DIAPH3: variants seen among roughly 807,000 people sequenced by gnomAD.
DIAPH3 encodes the protein diaphanous related formin 3.
A neutral mutation model predicts 144.3 loss-of-function variants in DIAPH3; 117 were observed. The ratio of observed to expected loss-of-function variants is 0.81; its 90% CI spans 0.70 to 0.95. The LOEUF (loss-of-function observed/expected upper bound fraction) is 0.95, where lower values mean the gene tolerates loss of function less well. Ranked by LOEUF, DIAPH3 falls within the 40% of genes least tolerant of loss-of-function variation. DIAPH3 has a pLI of 0.00. For synonymous variants in DIAPH3, 519 were observed against 488.9 expected (o/e 1.06, Z -0.81); for missense variants, 1,421 against 1,412.7 (o/e 1.01, Z -0.09).
rs59987412 is a variant in DIAPH3 at position 59,729,810 on chromosome 13, A to ATTT, written c.3319+44376_3319+44378dup. ...TGTGACTTCCGGTGAATACATTAAT[A>ATTT]TTTTTTTTTTTTTTTTTTTGAGATA... On this transcript the variant is annotated intron_variant, in intron 27 of 27. Transcript: ENST00000400324. Among the ~76,000 whole-genome samples, 114 of 134,250 alleles carry ATTT rather than the reference A, an allele frequency of 8.5e-4. 3 individuals are homozygous for ATTT. Among genetic ancestry groups the ATTT allele is most frequent in the African/African-American group, 3.3e-3 (109 of 32,642 alleles). 88.1% of individuals were successfully genotyped at this position (134,250 alleles called of 152,430 possible).
At chr13:60,118,154 A>G (rs560305600) in intron 2 of DIAPH3, among the ~76,000 whole-genome samples, 1 of 152,290 alleles carries the variant, frequency 6.6e-6, no homozygotes, top group East Asian at 1.9e-4. Flanking sequence ...CACCCTACTG[A>G]GTATTATCTC....
At chr13:59,984,072 T>C (rs1353760720) in intron 12 of DIAPH3, among the ~76,000 whole-genome samples, 185 bp from the exon 13 acceptor site, 7 of 151,852 alleles carry the variant, frequency 4.6e-5, no homozygotes, top group Admixed American at 2.0e-4. Flanking sequence ...TTGCTTTTAA[T>C]GAATTCAAAA....
intron 4 of DIAPH3, among the ~76,000 whole-genome samples, chr13:60,089,151 T>G (rs1057430712): frequency 6.6e-6 from 1 of 151,796 alleles, no homozygotes; most frequent in South Asian, 2.1e-4. Flanking sequence ...TACAAGAAAA[T>G]AAGCATTAAT....
intron 27 of DIAPH3, among the ~76,000 whole-genome samples, chr13:59,693,604 G>A (rs985226484): frequency 5.3e-5 from 8 of 152,046 alleles, no homozygotes; most frequent in East Asian, 3.9e-4. Context: ...CAAAAACAGC[G>A]TATTTCCCAA....
chr13:60,134,949 T>A (rs1343016850), intron 1 of DIAPH3, among the ~76,000 whole-genome samples: 1 of 151,860 alleles, frequency 6.6e-6, no homozygotes, highest in Non-Finnish European at 1.5e-5. Context: ...ACAATAAAAA[T>A]AGATAAATAA....
At chr13:60,058,912 G>C (rs958903600) in intron 4 of DIAPH3, among the ~76,000 whole-genome samples, 1 of 151,506 alleles carries the variant, frequency 6.6e-6, no homozygotes, top group Non-Finnish European at 1.5e-5. Flanking sequence ...TTACCTTTTG[G>C]GTACAATGTA....
intron 2 of DIAPH3, among the ~76,000 whole-genome samples, chr13:60,113,288 T>C (rs994477111): frequency 2.0e-5 from 3 of 152,200 alleles, no homozygotes; most frequent in Non-Finnish European, 4.4e-5. Context: ...TGCAAAAAGT[T>C]TTAATGGACA....
At chr13:59,920,501 T>A (rs571326052) in intron 18 of DIAPH3, among the ~76,000 whole-genome samples, 1 of 151,076 alleles carries the variant, frequency 6.6e-6, no homozygotes, top group Non-Finnish European at 1.5e-5. Context: ...GTAACACTTG[T>A]AAACATATAT....
At chr13:59,712,887 A>G (rs1566209143) in intron 27 of DIAPH3, among the ~76,000 whole-genome samples, 1 of 152,170 alleles carries the variant, frequency 6.6e-6, no homozygotes, top group African/African-American at 2.4e-5. Flanking sequence ...AGGGGGAAGG[A>G]TAGTTTCAGG....
intron 24 of DIAPH3, among the ~76,000 whole-genome samples, chr13:59,827,735 A>T (rs2041526688): frequency 6.6e-6 from 1 of 152,040 alleles, no homozygotes; most frequent in African/African-American, 2.4e-5. Flanking sequence ...TGTGAGAAAA[A>T]GCAATTAGAT....
At chr13:60,014,955 C>T (rs2053531957) in intron 7 of DIAPH3, among the ~76,000 whole-genome samples, 2 of 140,544 alleles carry the variant, frequency 1.4e-5, no homozygotes. Context: ...AAGAATTCCT[C>T]TTTTTTTCTA....
At chr13:59,705,982 C>T (rs1034049205) in intron 27 of DIAPH3, among the ~76,000 whole-genome samples, 4 of 151,494 alleles carry the variant, frequency 2.6e-5, no homozygotes, top group Admixed American at 6.6e-5. Flanking sequence ...AGTAGGACTA[C>T]GTAGACGTTT....
At chr13:59,853,834 CT>C (rs2139873814) in intron 22 of DIAPH3, among the ~76,000 whole-genome samples, 1 of 152,158 alleles carries the variant, frequency 6.6e-6, no homozygotes, top group Non-Finnish European at 1.5e-5. Context: ...ATGATACATG[CT>C]TTCCAGATAT....
chr13:59,998,303 T>C (rs1300247892), intron 9 of DIAPH3, among the ~76,000 whole-genome samples: 1 of 152,146 alleles, frequency 6.6e-6, no homozygotes, highest in Non-Finnish European at 1.5e-5. Context: ...TTCTTCTATG[T>C]CCTCCCATGC....
chr13:59,728,019 C>T (rs1161095430), intron 27 of DIAPH3, among the ~76,000 whole-genome samples: 1 of 150,606 alleles, frequency 6.6e-6, no homozygotes, highest in Admixed American at 6.6e-5. Flanking sequence ...TAGAGTAGTA[C>T]ATGGAAACTT....
At chr13:59,903,073 G>A (rs2046536011) in intron 20 of DIAPH3, among the ~76,000 whole-genome samples, 1 of 152,068 alleles carries the variant, frequency 6.6e-6, no homozygotes, top group Admixed American at 6.5e-5. Flanking sequence ...ACTTCAGACT[G>A]ACACAACTTA....
At chr13:59,916,042 A>G in intron 19 of DIAPH3, 113 bp downstream of exon 19, 3 of 887,690 alleles carry the variant, frequency 3.4e-6, no homozygotes, top group South Asian at 2.8e-5. Context: ...TTATGCAGCA[A>G]TGATTTTCCA....
At chr13:59,810,237 G>A (rs975156559) in intron 25 of DIAPH3, among the ~76,000 whole-genome samples, 1 of 152,014 alleles carries the variant, frequency 6.6e-6, no homozygotes, top group African/African-American at 2.4e-5. Context: ...AAGGCATACT[G>A]CAGCCTCAAC....
At chr13:59,960,520 T>G (rs1330346685) in intron 17 of DIAPH3, among the ~76,000 whole-genome samples, 1 of 152,162 alleles carries the variant, frequency 6.6e-6, no homozygotes, top group Non-Finnish European at 1.5e-5. Context: ...TTGGGAGAAT[T>G]TAGCCATACG....
Sources: gnomAD v4.1 joint callset for allele counts (sites outside exome capture counted in the v4.1 genomes callset) on GRCh38, gnomAD v4.1.1 for gene constraint, MANE v1.5 for transcripts, NCBI Gene and HGNC (gene_info 2026-07-23, HGNC 2026-07-21) for gene names.